PKIG: variants seen among roughly 807,000 people sequenced by gnomAD.
PKIG encodes cAMP-dependent protein kinase inhibitor gamma, also known as protein kinase (cAMP-dependent, catalytic) inhibitor gamma.
PKIG carries 1 observed loss-of-function variant against 6.8 expected under a neutral mutation model. The ratio of observed to expected loss-of-function variants is 0.15; its 90% CI spans 0.05 to 0.69. The LOEUF (loss-of-function observed/expected upper bound fraction) is 0.69, where lower values mean the gene tolerates loss of function less well. PKIG is among the 30% of genes least tolerant of loss of function. The pLI is 0.82. For missense variants in PKIG, 77 were observed against 104.0 expected, an observed-to-expected ratio of 0.74 and a Z score of 1.13; for synonymous variants, 39 against 43.0, an observed-to-expected ratio of 0.91 and a Z score of 0.36.
chr20:44,570,673 G>A (rs1445438536), intron 1 of PKIG, among the ~76,000 whole-genome samples: 1 of 152,162 alleles, frequency 6.6e-6, no homozygotes, highest in Non-Finnish European at 1.5e-5. Flanking sequence ...AGACAGACCA[G>A]GCCCCTCATC....
rs553330515 is a variant in PKIG at position 44,602,819 on chromosome 20, C to A, written c.-23-11715C>A. ...TCATGCCACTGCACTCCAACCTGGG[C>A]GACAGAGTAAGACTCCATCTCAAAA... On this transcript the variant is annotated intron_variant, in intron 2 of 3. Transcript: ENST00000372886. Among the ~76,000 whole-genome samples, 4 of 138,274 alleles carry A rather than the reference C, an allele frequency of 2.9e-5. No individual in the cohort carries two copies. In the South Asian group the frequency reaches 6.9e-4, roughly 24 times the overall value. 90.7% of individuals were successfully genotyped at this position (138,274 alleles called of 152,430 possible). A position where few individuals can be genotyped will look rare whatever the true frequency, so the allele number is the denominator to read the frequency against.
chr20:44,607,898 A>G (rs937857758), intron 2 of PKIG, among the ~76,000 whole-genome samples: 1 of 151,836 alleles, frequency 6.6e-6, no homozygotes, highest in African/African-American at 2.4e-5. Context: ...GTTGGCCAGG[A>G]TGGTCTCGAT....
chr20:44,602,212 GT>G (rs2065127316), intron 2 of PKIG, among the ~76,000 whole-genome samples: 1 of 152,196 alleles, frequency 6.6e-6, no homozygotes, highest in African/African-American at 2.4e-5. Context: ...ATTCTAGATT[GT>G]TTTTAGACTC....
At chr20:44,610,423 C>T (rs1239420344) in intron 2 of PKIG, among the ~76,000 whole-genome samples, 1 of 151,618 alleles carries the variant, frequency 6.6e-6, no homozygotes, top group Non-Finnish European at 1.5e-5. Flanking sequence ...GGGATGTGGG[C>T]CTTGCCCTCC....
intron 1 of PKIG, among the ~76,000 whole-genome samples, chr20:44,548,817 C>T (rs2064639868): frequency 6.8e-6 from 1 of 147,022 alleles, no homozygotes; most frequent in African/African-American, 2.5e-5. Context: ...ATAAAGAATT[C>T]TAATTATGTA....
At chr20:44,559,954 C>G (rs1200881485) in intron 1 of PKIG, among the ~76,000 whole-genome samples, 1 of 151,040 alleles carries the variant, frequency 6.6e-6, no homozygotes, top group Non-Finnish European at 1.5e-5. Context: ...CCTGTAATTC[C>G]AAAACTGAGA....
rs529701017 is a variant in PKIG at position 44,567,867 on chromosome 20, C to A, written c.-240-14718C>A. Among the ~76,000 whole-genome samples, 35 of 152,302 alleles carry A rather than the reference C, an allele frequency of 2.3e-4. 1 individual carries two copies. The Middle Eastern group carries it at 0.014, about 59-fold the overall frequency. On this transcript the variant is annotated intron_variant, in intron 1 of 4. Transcript: ENST00000372887. ...TATTTTGATTATTTCTATTATTTCACTATTATAAATAACTCTGCCTGTAAT... is the reference window on the plus strand; with the variant it reads ...TATTTTGATTATTTCTATTATTTCAATATTATAAATAACTCTGCCTGTAAT...
intron 2 of PKIG, among the ~76,000 whole-genome samples, chr20:44,590,599 A>G (rs942387347): frequency 2.0e-5 from 3 of 152,266 alleles, no homozygotes; most frequent in Non-Finnish European, 4.4e-5. Context: ...GTCAAGTTGG[A>G]AGTACTGGGT....
chr20:44,565,160 G>A (rs2064799875), intron 1 of PKIG, among the ~76,000 whole-genome samples: 1 of 152,190 alleles, frequency 6.6e-6, no homozygotes, highest in Non-Finnish European at 1.5e-5. Flanking sequence ...TTGTGTGTTA[G>A]TGGGTTTTTT....
intron 2 of PKIG, among the ~76,000 whole-genome samples, chr20:44,600,767 G>A (rs1363925408): frequency 6.6e-6 from 1 of 152,012 alleles, no homozygotes; most frequent in Non-Finnish European, 1.5e-5. Context: ...GCGAGGTCAG[G>A]GATGGTCCTG....
intron 1 of PKIG, among the ~76,000 whole-genome samples, chr20:44,574,656 C>T (rs566807205): frequency 6.6e-6 from 1 of 152,122 alleles, no homozygotes; most frequent in East Asian, 1.9e-4. Context: ...TCACTGCTAC[C>T]TCCACCTCCC....
intron 1 of PKIG, among the ~76,000 whole-genome samples, chr20:44,540,614 A>G (rs1392954264): frequency 4.6e-5 from 7 of 151,908 alleles, no homozygotes; most frequent in Admixed American, 1.3e-4. Flanking sequence ...ACAAAACTCC[A>G]GTTTCCCAGG....
chr20:44,610,500 T>TCTCTCACACACA (rs1555841182), intron 2 of PKIG, among the ~76,000 whole-genome samples: 3 of 135,420 alleles, frequency 2.2e-5, no homozygotes, highest in Admixed American at 1.5e-4. Context: ...TCTCTCTCTC[T>TCTCTCACACACA]CACACACACA....
chr20:44,593,480 T>C (rs1339229512), intron 2 of PKIG, among the ~76,000 whole-genome samples: 1 of 150,736 alleles, frequency 6.6e-6, no homozygotes, highest in African/African-American at 2.4e-5. Context: ...CTGGAGGACA[T>C]TGTGCTAAGT....
chr20:44,605,749 T>TA (rs777973990), intron 2 of PKIG, among the ~76,000 whole-genome samples: 53 of 146,748 alleles, frequency 3.6e-4, no homozygotes, highest in African/African-American at 1.1e-3. Context: ...CCCCATCTCT[T>TA]AAAAAAAAAA....
chr20:44,535,758 T>C (rs549868271), intron 1 of PKIG, among the ~76,000 whole-genome samples: 18 of 152,374 alleles, frequency 1.2e-4, no homozygotes, highest in Non-Finnish European at 2.2e-4. Flanking sequence ...AATGTATACA[T>C]GTTTATAATA....
chr20:44,577,796 T>C (rs1220617178), upstream of PKIG, among the ~76,000 whole-genome samples: 1 of 152,164 alleles, frequency 6.6e-6, no homozygotes, highest in Non-Finnish European at 1.5e-5. Flanking sequence ...CCAGAATTTC[T>C]TTATTCATAT....
chr20:44,560,629 C>A (rs975128058), intron 1 of PKIG, among the ~76,000 whole-genome samples: 1 of 152,156 alleles, frequency 6.6e-6, no homozygotes, highest in Admixed American at 6.5e-5. Context: ...ATCAGATAAA[C>A]CACTTTTTTA....
intron 1 of PKIG, among the ~76,000 whole-genome samples, chr20:44,573,029 A>G (rs867276684): frequency 6.6e-6 from 1 of 152,252 alleles, no homozygotes; most frequent in East Asian, 1.9e-4. Context: ...TAGGAAGCAC[A>G]GAAGTTCTTT....
Sources: allele counts gnomAD v4.1 joint callset (sites outside exome capture counted in the v4.1 genomes callset), GRCh38; gene constraint gnomAD v4.1.1; transcripts MANE v1.5; gene names NCBI Gene and HGNC (gene_info 2026-07-23, HGNC 2026-07-21).